Variants in NXPE2 observed in about 807,000 individuals in gnomAD.
NXPE2 encodes NXPE family member 2.
In NXPE2, 34 loss-of-function variants were observed where a neutral mutation model predicts 34.4. That is an observed-to-expected ratio of 0.99 (90% CI 0.75 to 1.31). The LOEUF (loss-of-function observed/expected upper bound fraction) is 1.31. Among genes scored for constraint, NXPE2 ranks in the 40% most tolerant of loss-of-function variants. The pLI is 0.00. For synonymous variants in NXPE2, 235 were observed against 231.3 expected, an observed-to-expected ratio of 1.02 and a Z score of -0.15; for missense variants, 649 against 672.5, an observed-to-expected ratio of 0.97 and a Z score of 0.39.
the NXPE2 span, among the ~76,000 whole-genome samples, chr11:114,636,645 A>G: frequency 4.6e-5 from 7 of 151,942 alleles, no homozygotes; most frequent in Non-Finnish European, 1.0e-4. Context: ...TGTGTCCCAG[A>G]GATTCTGGTA....
At chr11:114,805,213 G>T in the NXPE2 span, among the ~76,000 whole-genome samples, 141 of 149,706 alleles carry the variant, frequency 9.4e-4, 3 homozygotes, top group South Asian at 0.028. Flanking sequence ...TTTAAAAAAG[G>T]TAGGGAGGGA....
At chr11:114,651,311 C>T in the NXPE2 span, among the ~76,000 whole-genome samples, 5 of 151,066 alleles carry the variant, frequency 3.3e-5, no homozygotes, top group East Asian at 2.0e-4. Flanking sequence ...GGAGTGAAGC[C>T]GCAGACCTTG....
intron 2 of NXPE2, among the ~76,000 whole-genome samples, chr11:114,697,201 G>A (rs1277276510): frequency 6.6e-6 from 1 of 152,178 alleles, no homozygotes; most frequent in Non-Finnish European, 1.5e-5. Context: ...GGCTCAAGAT[G>A]AGATCATCCT....
chr11:114,755,957 A>T, the NXPE2 span, among the ~76,000 whole-genome samples: 1 of 151,728 alleles, frequency 6.6e-6, no homozygotes, highest in Admixed American at 6.6e-5. Flanking sequence ...CCACTCCCCT[A>T]CTCCTTCAGG....
the NXPE2 span, among the ~76,000 whole-genome samples, chr11:114,722,790 C>G: frequency 6.6e-6 from 1 of 152,266 alleles, no homozygotes; most frequent in East Asian, 1.9e-4. Flanking sequence ...AAGGCAGTAC[C>G]TCCTATAAAC....
chr11:114,657,629 CT>C, the NXPE2 span, among the ~76,000 whole-genome samples: 1 of 151,888 alleles, frequency 6.6e-6, no homozygotes, highest in Non-Finnish European at 1.5e-5. Context: ...ACTTAGGAAA[CT>C]GTAATTTAAT....
intron 2 of NXPE2, among the ~76,000 whole-genome samples, chr11:114,690,992 C>A (rs568786088): frequency 6.6e-6 from 1 of 151,896 alleles, no homozygotes; most frequent in African/African-American, 2.4e-5. Flanking sequence ...TTTTTTCTGG[C>A]GCCTTTGTGT....
the NXPE2 span, among the ~76,000 whole-genome samples, chr11:114,482,719 C>T: frequency 1.3e-5 from 2 of 152,292 alleles, no homozygotes; most frequent in South Asian, 4.1e-4. Flanking sequence ...TCTAATCTGT[C>T]AATCCCATGC....
chr11:114,777,809 A>G, the NXPE2 span, among the ~76,000 whole-genome samples: 9 of 152,228 alleles, frequency 5.9e-5, no homozygotes, highest in South Asian at 4.1e-4. Context: ...TTCAAATTCT[A>G]TATCTGTGAA....
the NXPE2 span, among the ~76,000 whole-genome samples, chr11:114,790,829 T>C: frequency 6.6e-5 from 10 of 152,132 alleles, no homozygotes; most frequent in Non-Finnish European, 1.5e-5. Context: ...CCCATGCTGC[T>C]CCCTATGTCA....
chr11:114,809,112 A>T, the NXPE2 span, among the ~76,000 whole-genome samples: 1 of 152,138 alleles, frequency 6.6e-6, no homozygotes, highest in Non-Finnish European at 1.5e-5. Flanking sequence ...ATCTCAATAG[A>T]TGCAGAAAAG....
the NXPE2 span, among the ~76,000 whole-genome samples, chr11:114,621,810 T>C: frequency 0.99 from 149,961 of 152,148 alleles, 73,915 homozygotes; most frequent in Middle Eastern, 1. Flanking sequence ...ATTATTGCCT[T>C]GTGGGTAACC....
At chr11:114,628,715 A>C in the NXPE2 span, among the ~76,000 whole-genome samples, 4,435 of 151,324 alleles carry the variant, frequency 0.029, 108 homozygotes, top group African/African-American at 0.03. Context: ...CCCCTTCAAA[A>C]AATTAACGAA....
the NXPE2 span, among the ~76,000 whole-genome samples, chr11:114,797,773 C>A: frequency 6.6e-6 from 1 of 152,102 alleles, no homozygotes; most frequent in Non-Finnish European, 1.5e-5. Context: ...TGTCCGTGAA[C>A]TTTGGGACGA....
chr11:114,632,980 A>T, the NXPE2 span, among the ~76,000 whole-genome samples: 1 of 103,958 alleles, frequency 9.6e-6, no homozygotes, highest in East Asian at 2.5e-4. Context: ...TATATATTAT[A>T]TATTTTTATA....
the NXPE2 span, among the ~76,000 whole-genome samples, chr11:114,552,463 A>G: frequency 2.0e-5 from 3 of 152,178 alleles, no homozygotes; most frequent in African/African-American, 7.2e-5. Context: ...CCTGACAAGC[A>G]CAATATTTGT....
chr11:114,739,329 TTC>T, the NXPE2 span, among the ~76,000 whole-genome samples: 4 of 45,622 alleles, frequency 8.8e-5, no homozygotes, highest in African/African-American at 2.4e-4. Flanking sequence ...CCTTCCTTCC[TTC>T]CTTCCTTCCC....
chr11:114,625,199 G>A, the NXPE2 span, among the ~76,000 whole-genome samples: 17 of 151,864 alleles, frequency 1.1e-4, no homozygotes, highest in Non-Finnish European at 2.1e-4. Flanking sequence ...GTGTGGCCTT[G>A]TGGGTAACCA....
At chr11:114,523,227 C>T in the NXPE2 span, 1 of 639,590 alleles carries the variant, frequency 1.6e-6, no homozygotes, top group Non-Finnish European at 2.7e-6. Context: ...CTTTCTAGTC[C>T]TATTCTTTGA....
Sources: gnomAD v4.1 joint callset for allele counts (sites outside exome capture counted in the v4.1 genomes callset) on GRCh38, gnomAD v4.1.1 for gene constraint, MANE v1.5 for transcripts, NCBI Gene and HGNC (gene_info 2026-07-23, HGNC 2026-07-21) for gene names.